The following PIGQ variants were observed in gnomAD, a reference collection of about 807,000 sequenced individuals.
PIGQ encodes phosphatidylinositol glycan anchor biosynthesis class Q, also known as phosphatidylinositol N-acetylglucosaminyltransferase subunit Q.
A neutral mutation model predicts 60.3 loss-of-function variants in PIGQ; 54 were observed. That is an observed-to-expected ratio of 0.90 (90% confidence interval 0.72 to 1.12). PIGQ has a LOEUF of 1.12. PIGQ is among the 50% of genes most tolerant of loss of function. The pLI is 0.00. For synonymous variants in PIGQ, 416 were observed against 363.7 expected, an observed-to-expected ratio of 1.14 and a Z score of -1.64; for missense variants, 799 against 793.5, an observed-to-expected ratio of 1.01 and a Z score of -0.08.
At chr16:574,877 C>T (rs925935468) in intron 2 of PIGQ, 114 bp downstream of exon 2, 1 of 812,220 alleles carries the variant, frequency 1.2e-6, no homozygotes, top group Non-Finnish European at 1.9e-6. Flanking sequence ...GGCCCGGGCC[C>T]CCTCCCACTC....
Position 582,294 on chromosome 16 carries a change from C to G in PIGQ, c.1578C>G (p.Leu526=). The part of the protein sequence containing the change: ...RVLRHEAGRP[L]RLLMQINPLP... ...TCCGGCACGAGGCCGGCAGGCCCCT[C>G]CGCCTCCTGATGCAGGTGAGGCCCC... is the stretch of plus-strand genomic sequence containing the variant. The change falls in exon 10 of 11, where the codon CTC becomes CTG. Residue 526 remains leucine, a synonymous_variant. Coordinates refer to ENST00000321878, the MANE Select transcript of PIGQ (RefSeq NM_004204.5). 6.2e-7 allele frequency: 1 copy of G among 1,601,890 alleles called. No homozygotes were observed. Among genetic ancestry groups the G allele is most frequent in the Non-Finnish European group, 8.5e-7 (1 of 1,173,066 alleles).
chr16:582,333 G>A (rs765686289), intron 10 of PIGQ, 24 bp downstream of exon 10: 26 of 1,554,442 alleles, frequency 1.7e-5, no homozygotes, highest in Admixed American at 3.5e-5. Flanking sequence ...TGGCCAGGAC[G>A]CCCCTACGCT....
Position 582,836 on chromosome 16 carries a change from G to T in PIGQ, c.1594-47G>T, listed in dbSNP as rs747020898. 9 of 1,551,816 alleles carry T rather than the reference G, an allele frequency of 5.8e-6. No homozygotes were observed. In the South Asian group the frequency reaches 9.7e-5, roughly 17 times the overall value. On this transcript the variant is annotated intron_variant, in intron 10 of 10. Coordinates refer to ENST00000321878, the MANE Select transcript of PIGQ (RefSeq NM_004204.5). ...GCCCCCACCCTCTCTCTGCAGACGG[G>T]GTTGGAGCTCAGACCACCCCACTGA...
rs753629525 is a variant in PIGQ, at chr16:583,752, A to G, written c.*717A>G. 2.5e-6 allele frequency: 3 copies of G among 1,222,162 alleles called. No homozygotes were observed. The highest frequency in any genetic ancestry group is 3.6e-6 in the Non-Finnish European group (3 of 842,174). The allele number at this position is 1,222,162 out of a possible 1,614,324, so 75.7% of individuals were successfully genotyped here. A position where few individuals can be genotyped will look rare whatever the true frequency, so the allele number is the denominator to read the frequency against. On this transcript the variant is annotated 3_prime_UTR_variant, in exon 11 of 11. Transcript: ENST00000321878. ...CTATTCGTCCACGGTGCCCCGTAGC[A>G]GCAGGTCCTGCGGCCAAATCTGTCT... is the stretch of plus-strand genomic sequence containing the variant.
chr16:572,525 C>T (rs763110722), intron 1 of PIGQ: 12 of 456,098 alleles, frequency 2.6e-5, no homozygotes, highest in South Asian at 1.9e-4. Flanking sequence ...ACAGGTCACA[C>T]CACCCCGACG....
In PIGQ at chr16:583,462, G is replaced by A; in HGVS notation, c.*427G>A. 6.2e-7 allele frequency: 1 copy of A among 1,612,646 alleles called. No individual in the cohort carries two copies. The highest frequency in any genetic ancestry group is 8.5e-7 in the Non-Finnish European group (1 of 1,179,922). ...CTGGCTGTGGGGGTGGAGGGACCTT[G>A]CCAGGATGAACCCCCCAGTCCCAGG... is the stretch of plus-strand genomic sequence containing the variant. On this transcript the variant is annotated 3_prime_UTR_variant, in exon 11 of 11. Coordinates refer to ENST00000321878, the MANE Select transcript of PIGQ (RefSeq NM_004204.5).
chr16:578,843 G>C lies in PIGQ; in HGVS notation c.1128G>C (p.Ser376=). Residue 376 remains serine (S), a synonymous_variant, in exon 6 of 11, where the codon TCG becomes TCC. Coordinates refer to ENST00000321878, the MANE Select transcript of PIGQ (RefSeq NM_004204.5). ...ACATCCTTTGGCACGTGGGCCTCTC[G>C]GCCTGCCTGGGCCTGACGGTGGCCC... ...VEHILWHVGL[S]ACLGLTVALS... 3 of 1,613,762 alleles carry C rather than the reference G, an allele frequency of 1.9e-6. No homozygotes were observed. Among genetic ancestry groups the C allele is most frequent in the South Asian group, 1.1e-5 (1 of 91,088 alleles).
Position 576,168 on chromosome 16 carries a change from G to A in PIGQ, c.856G>A (p.Val286Met), listed in dbSNP as rs575220879. Residue 286 changes from valine to methionine, a missense_variant, in exon 4 of 11, where the codon GTG (valine) becomes ATG (methionine). Coordinates refer to ENST00000321878, the MANE Select transcript of PIGQ (RefSeq NM_004204.5). ...CACGGTGGCCTCTGTGCTGCTGGAC[G>A]TGGCCCTGGGCCTCATGCTGCTGTC... ...ANTVASVLLD[V>M]ALGLMLLSWL... 15 of 1,549,416 alleles carry A rather than the reference G, an allele frequency of 9.7e-6. No individual in the cohort carries two copies. The highest frequency in any genetic ancestry group is 5.9e-5 in the South Asian group (5 of 84,072).
rs2035752472 is a variant in PIGQ, at chr16:578,311, G to A, written c.943-68G>A. 3.9e-6 allele frequency: 6 copies of A among 1,532,854 alleles called. No individual in the cohort carries two copies. The African/African-American group carries it at 8.2e-5, about 21-fold the overall frequency. The allele number at this position is 1,532,854 out of a possible 1,614,324, so 95.0% of individuals were successfully genotyped here. On this transcript the variant is annotated intron_variant, in intron 4 of 10. Coordinates refer to ENST00000321878, the MANE Select transcript of PIGQ (RefSeq NM_004204.5). ...GCCAAGGTGGGAGCCCATCACGAAA[G>A]AGCCTGGGGAGATGCAGGTGCTGAG...
chr16:583,041 C>A lies in PIGQ; in HGVS notation c.*6C>A. On this transcript the variant is annotated 3_prime_UTR_variant, in exon 11 of 11. Coordinates refer to ENST00000321878, the MANE Select transcript of PIGQ (RefSeq NM_004204.5). ...GAGGGGACAAGCAGGACTGAGGGAACTGCTGGCTCGCCTGGCACCACCACA... is the reference window on the plus strand; with the variant it reads ...GAGGGGACAAGCAGGACTGAGGGAAATGCTGGCTCGCCTGGCACCACCACA... 3 of 1,613,068 alleles carry A rather than the reference C, an allele frequency of 1.9e-6. No individual in the cohort carries two copies. The highest frequency in any genetic ancestry group is 2.5e-6 in the Non-Finnish European group (3 of 1,179,988).
chr16:579,002 C>T (rs1345811824), intron 6 of PIGQ, 64 bp downstream of exon 6: 20 of 1,323,894 alleles, frequency 1.5e-5, no homozygotes, highest in African/African-American at 4.4e-5. Flanking sequence ...GCTGGGCGGG[C>T]GTTCGAGTGG....
chr16:579,414 T>C, intron 7 of PIGQ: 1 of 553,086 alleles, frequency 1.8e-6, no homozygotes, highest in Non-Finnish European at 3.2e-6. Context: ...CCGAAGGTGG[T>C]GCAGGCACAG....
chr16:581,008 G>C lies in PIGQ; in HGVS notation c.1531+36G>C, dbSNP rs771168686. 29 of 1,434,536 alleles carry C rather than the reference G, an allele frequency of 2.0e-5. No homozygotes were observed. The Middle Eastern group carries it at 5.3e-4, about 26-fold the overall frequency. The allele number at this position is 1,434,536 out of a possible 1,614,324, so 88.9% of individuals were successfully genotyped here. A position where few individuals can be genotyped will look rare whatever the true frequency, so the allele number is the denominator to read the frequency against. On this transcript the variant is annotated intron_variant, in intron 9 of 10. Coordinates refer to ENST00000321878, the MANE Select transcript of PIGQ (RefSeq NM_004204.5). ...CGTATTGGGCAGCTGGCCCTGGGTAGGTGGAGGGGAACCACACCTGTGGGC... is the reference window on the plus strand; with the variant it reads ...CGTATTGGGCAGCTGGCCCTGGGTACGTGGAGGGGAACCACACCTGTGGGC...
intron 2 of PIGQ, 94 bp downstream of exon 2, chr16:574,857 G>C: frequency 9.8e-7 from 1 of 1,018,108 alleles, no homozygotes; most frequent in Non-Finnish European, 1.4e-6. Flanking sequence ...GCCCAGATGC[G>C]CTCTTCCTGG....
chr16:572,160 G>A (rs993633478), intron 1 of PIGQ, among the ~76,000 whole-genome samples: 1 of 152,244 alleles, frequency 6.6e-6, no homozygotes, highest in East Asian at 1.9e-4. Flanking sequence ...AAGGTGGGCT[G>A]TACTGGGTGG....
chr16:575,804 A>T, intron 2 of PIGQ, 35 bp from the exon 3 acceptor site: 1 of 1,546,154 alleles, frequency 6.5e-7, no homozygotes. Flanking sequence ...GAGGATCTGG[A>T]GAGGGACACA....
In PIGQ at chr16:575,891, G is replaced by A. The variant is rs866641322; in HGVS notation, c.742G>A (p.Glu248Lys). The A allele has an allele frequency of 1.1e-5, 17 of 1,575,820 alleles. No individual in the cohort carries two copies. The highest frequency in any genetic ancestry group is 5.8e-5 in the South Asian group (5 of 86,238). Residue 248 changes from glutamate (E) to lysine (K), a missense_variant, in exon 3 of 11, where the codon GAA becomes AAA. Transcript: ENST00000321878. ...CCTCGGGAGCAAACTCTCCACGTGC[G>A]AACAGCTCCGGCACCGGCTGGAGCA... is the stretch of plus-strand genomic sequence containing the variant. ...SFLGSKLSTC[E>K]QLRHRLEHLT...
In PIGQ at chr16:576,346, A is replaced by G. The variant is rs2071980; in HGVS notation, c.942+92A>G. On this transcript the variant is annotated intron_variant, in intron 4 of 10. Transcript: ENST00000321878. ...CTTCCCGGGCCAGAGCCACCGCCCC[A>G]CAAAGCCAGTTCTACCTTCTCCATG... The G allele has an allele frequency of 2.9e-6, 4 of 1,390,450 alleles. No individual in the cohort carries two copies. In the South Asian group the frequency reaches 4.2e-5, roughly 14 times the overall value. 86.1% of individuals were successfully genotyped at this position (1,390,450 alleles called of 1,614,324 possible).
rs372598233 is a variant in PIGQ at position 580,833 on chromosome 16, G to A, written c.1417-25G>A. ...GCCCCCAGGCGCGTCTGGCCGGGCC[G>A]GTCCTAAATGCTCCTCTGCCACAGC... On this transcript the variant is annotated intron_variant, in intron 8 of 10. Transcript: ENST00000321878. 3.1e-5 allele frequency: 33 copies of A among 1,063,984 alleles called. 1 individual carries two copies. Among genetic ancestry groups the A allele is most frequent in the Non-Finnish European group, 4.1e-5 (28 of 688,618 alleles). 65.9% of individuals were successfully genotyped at this position (1,063,984 alleles called of 1,614,324 possible). A position where few individuals can be genotyped will look rare whatever the true frequency, so the allele number is the denominator to read the frequency against.
Sources: gnomAD v4.1 joint callset for allele counts (sites outside exome capture counted in the v4.1 genomes callset) on GRCh38, gnomAD v4.1.1 for gene constraint, MANE v1.5 for transcripts, NCBI Gene and HGNC (gene_info 2026-07-23, HGNC 2026-07-21) for gene names.